DENND2B: variants seen among roughly 807,000 people sequenced by gnomAD.
DENND2B encodes the protein DENN domain containing 2B, also known as DENN domain-containing protein 2B.
Under a neutral mutation model 116.0 loss-of-function variants are expected in DENND2B, and 32 were observed. The ratio of observed to expected loss-of-function variants is 0.28; its 90% CI spans 0.21 to 0.37. DENND2B has a LOEUF of 0.37. Among genes scored for constraint, DENND2B ranks in the 10% least tolerant of loss-of-function variants. The pLI, the probability that DENND2B is intolerant of heterozygous loss-of-function variation, is 1.00. For missense variants in DENND2B, 1,276 were observed against 1,477.7 expected, an observed-to-expected ratio of 0.86 and a Z score of 2.24; for synonymous variants, 588 against 583.9, an observed-to-expected ratio of 1.01 and a Z score of -0.10.
intron 2 of DENND2B, among the ~76,000 whole-genome samples, chr11:8,739,426 C>T (rs1443659783): frequency 6.6e-6 from 1 of 152,272 alleles, no homozygotes; most frequent in Non-Finnish European, 1.5e-5. Context: ...TGTCCTCACA[C>T]ACCAGCTGTG....
intron 13 of DENND2B, 90 bp downstream of exon 13, chr11:8,706,995 T>C: frequency 6.6e-7 from 1 of 1,511,180 alleles, no homozygotes. Context: ...GACCGTGCTC[T>C]GCAACCCCCA....
Position 8,882,278 on chromosome 11 carries a change from T to C in DENND2B, c.-255-1169A>G, listed in dbSNP as rs1385658369. ...CCAGAAAATATTATGAAAGGTAACA[T>C]CTCTGATAGGCCCAACTCAAATGTC... On this transcript the variant is annotated intron_variant, in intron 1 of 22. Coordinates refer to the DENND2B transcript ENST00000534127. Among the ~76,000 whole-genome samples the C allele has an allele frequency of 2.0e-5, 3 of 152,198 alleles. 1 individual carries two copies. The highest frequency in any genetic ancestry group is 7.2e-5 in the African/African-American group (3 of 41,458).
intron 4 of DENND2B, among the ~76,000 whole-genome samples, chr11:8,719,632 A>T (rs1327533480): frequency 6.6e-6 from 1 of 152,094 alleles, no homozygotes; most frequent in Non-Finnish European, 1.5e-5. Flanking sequence ...AGCCTACCCC[A>T]CTGTGGGGCA....
chr11:8,841,233 T>A (rs1398722151), intron 3 of DENND2B, among the ~76,000 whole-genome samples: 1 of 152,188 alleles, frequency 6.6e-6, no homozygotes, highest in Non-Finnish European at 1.5e-5. Flanking sequence ...TTATATGTTG[T>A]GAAGATGATA....
At chr11:8,698,137 C>CCAA (rs2040745467) in intron 16 of DENND2B, among the ~76,000 whole-genome samples, 1 of 39,808 alleles carries the variant, frequency 2.5e-5, no homozygotes, top group Non-Finnish European at 4.9e-5. Context: ...ACCCTGTCTC[C>CCAA]AAAAAAAAAA....
At chr11:8,864,161 T>C (rs2063499543) in intron 2 of DENND2B, among the ~76,000 whole-genome samples, 1 of 152,204 alleles carries the variant, frequency 6.6e-6, no homozygotes, top group African/African-American at 2.4e-5. Flanking sequence ...TCATCTCAGC[T>C]TCCAGAGACC....
At chr11:8,806,346 G>A (rs890490123) in intron 1 of DENND2B, among the ~76,000 whole-genome samples, 37 of 152,212 alleles carry the variant, frequency 2.4e-4, no homozygotes, top group South Asian at 1.9e-3. Context: ...TGGTGGTTTC[G>A]TGACAAGCCT....
At chr11:8,788,810 T>C (rs566461446) in intron 1 of DENND2B, among the ~76,000 whole-genome samples, 1 of 152,344 alleles carries the variant, frequency 6.6e-6, no homozygotes, top group Admixed American at 6.5e-5. Context: ...TTCCTGTCTA[T>C]CTTTTGACCA....
chr11:8,867,904 A>G (rs1162385802), intron 2 of DENND2B, among the ~76,000 whole-genome samples: 1 of 152,134 alleles, frequency 6.6e-6, no homozygotes. Flanking sequence ...TTTTTAAGAA[A>G]TAAGAGAATA....
chr11:8,901,986 A>G (rs1232118141), intron 1 of DENND2B, among the ~76,000 whole-genome samples: 1 of 152,176 alleles, frequency 6.6e-6, no homozygotes, highest in East Asian at 1.9e-4. Context: ...AGTATCGTTT[A>G]GCCTTCTATA....
Position 8,743,052 on chromosome 11 carries a change from G to A in DENND2B, c.80+7569C>T, listed in dbSNP as rs1274785562. On this transcript the variant is annotated intron_variant, in intron 2 of 19. Coordinates refer to ENST00000313726, the MANE Select transcript of DENND2B (RefSeq NM_213618.2). ...GCGCTCCAGCCTGGGCAACAAGAGC[G>A]AAACTCCATCTCAGAAAAAGAAAAG... Among the ~76,000 whole-genome samples, 5 of 151,396 alleles carry A rather than the reference G, an allele frequency of 3.3e-5. No individual in the cohort carries two copies. In the South Asian group the frequency reaches 8.4e-4, roughly 25 times the overall value.
chr11:8,799,183 A>C (rs935351509), intron 1 of DENND2B, among the ~76,000 whole-genome samples: 1 of 152,176 alleles, frequency 6.6e-6, no homozygotes, highest in African/African-American at 2.4e-5. Context: ...ATTAGAGTTC[A>C]GTTGACAAAA....
chr11:8,894,228 A>T (rs1249938165), intron 1 of DENND2B, among the ~76,000 whole-genome samples: 1 of 152,154 alleles, frequency 6.6e-6, no homozygotes, highest in East Asian at 1.9e-4. Context: ...CCTTCCTTAC[A>T]CCTTATACAA....
intron 19 of DENND2B, chr11:8,694,438 G>C (rs1415153448): frequency 2.2e-6 from 1 of 456,596 alleles, no homozygotes; most frequent in Non-Finnish European, 4.1e-6. Context: ...GCATTTTGCA[G>C]GAAGGGCACT....
chr11:8,885,962 CAG>C, intron 1 of DENND2B, among the ~76,000 whole-genome samples: 1 of 151,700 alleles, frequency 6.6e-6, no homozygotes, highest in Non-Finnish European at 1.5e-5. Context: ...GGGGGGAGAA[CAG>C]AGTTTCAGCT....
At chr11:8,706,081 T>C (rs1267465224) in intron 13 of DENND2B, among the ~76,000 whole-genome samples, 1 of 152,002 alleles carries the variant, frequency 6.6e-6, no homozygotes, top group African/African-American at 2.4e-5. Context: ...CCTGTCTCTA[T>C]AGAAAATACA....
At chr11:8,700,449 T>C (rs1181824653) in intron 14 of DENND2B, among the ~76,000 whole-genome samples, 3 of 152,204 alleles carry the variant, frequency 2.0e-5, no homozygotes, top group Admixed American at 6.5e-5. Flanking sequence ...TCTTCCTCCT[T>C]TCTTCTCCTG....
At chr11:8,794,174 C>T (rs1186304327) in intron 1 of DENND2B, among the ~76,000 whole-genome samples, 3 of 152,304 alleles carry the variant, frequency 2.0e-5, no homozygotes, top group East Asian at 1.9e-4. Context: ...GCCAGATAGA[C>T]GGTTTGATGC....
At chr11:8,765,630 C>T (rs1404846974) in intron 1 of DENND2B, among the ~76,000 whole-genome samples, 1 of 152,164 alleles carries the variant, frequency 6.6e-6, no homozygotes, top group East Asian at 1.9e-4. Context: ...CCTAGTACAT[C>T]CCATTAGTAA....
Sources: allele counts gnomAD v4.1 joint callset (sites outside exome capture counted in the v4.1 genomes callset), GRCh38; gene constraint gnomAD v4.1.1; transcripts MANE v1.5; gene names NCBI Gene and HGNC (gene_info 2026-07-23, HGNC 2026-07-21).